Variants in PKIA observed in about 807,000 individuals in gnomAD.
PKIA encodes cAMP-dependent protein kinase inhibitor alpha.
Under a neutral mutation model 7.6 loss-of-function variants are expected in PKIA, and 4 were observed. The ratio of observed to expected loss-of-function variants is 0.52; its 90% CI spans 0.26 to 1.20. The LOEUF is 1.20. Ranked by LOEUF, PKIA falls within the 50% of genes most tolerant of loss-of-function variation. The probability of loss-of-function intolerance (pLI) is 0.13; values close to 1 mark genes in which losing one functional copy is unlikely to be tolerated. For synonymous variants in PKIA, 21 were observed against 30.7 expected (o/e 0.68, Z 1.04); for missense variants, 73 against 86.2 (o/e 0.85, Z 0.61).
intron 2 of PKIA, among the ~76,000 whole-genome samples, chr8:78,588,364 C>T (rs1315000191): frequency 2.0e-5 from 3 of 152,074 alleles, no homozygotes; most frequent in Admixed American, 6.6e-5. Flanking sequence ...CCTGTAATCC[C>T]AGCTACTCAG....
At chr8:78,541,522 G>T (rs1191825399) in intron 1 of PKIA, among the ~76,000 whole-genome samples, 1 of 151,940 alleles carries the variant, frequency 6.6e-6, no homozygotes, top group Admixed American at 6.6e-5. Flanking sequence ...TTAAACTTTT[G>T]ATTATTTCAT....
At chr8:78,529,743 AATTT>A (rs1486868840) in intron 1 of PKIA, among the ~76,000 whole-genome samples, 1 of 151,986 alleles carries the variant, frequency 6.6e-6, no homozygotes, top group African/African-American at 2.4e-5. Flanking sequence ...AATAACATAT[AATTT>A]TTTTTGTAAA....
At chr8:78,537,156 C>G (rs971046558) in intron 1 of PKIA, among the ~76,000 whole-genome samples, 4 of 151,440 alleles carry the variant, frequency 2.6e-5, no homozygotes, top group Admixed American at 2.6e-4. Flanking sequence ...AAAATTTCCC[C>G]AAGTAACAAG....
intron 1 of PKIA, among the ~76,000 whole-genome samples, chr8:78,551,556 A>G (rs1441700785): frequency 1.3e-5 from 2 of 152,080 alleles, no homozygotes; most frequent in Non-Finnish European, 2.9e-5. Context: ...TTAACTTTAC[A>G]TATTAGATGA....
chr8:78,587,124 T>C (rs1489197761), intron 2 of PKIA, among the ~76,000 whole-genome samples: 1 of 152,208 alleles, frequency 6.6e-6, no homozygotes, highest in Non-Finnish European at 1.5e-5. Flanking sequence ...ATGAGTTATT[T>C]TGATAACTGT....
At chr8:78,599,039 G>A (rs781497770) in intron 3 of PKIA, among the ~76,000 whole-genome samples, 29 of 151,986 alleles carry the variant, frequency 1.9e-4, no homozygotes, top group Non-Finnish European at 4.3e-4. Flanking sequence ...GTAACTCTTA[G>A]GTAAAAGGGT....
chr8:78,545,152 G>C (rs78653781), intron 1 of PKIA, among the ~76,000 whole-genome samples: 8,120 of 152,028 alleles, frequency 0.053, 650 homozygotes, highest in African/African-American at 0.17. Flanking sequence ...CCTATAATAG[G>C]GTGCTCAAAA....
At chr8:78,593,560 C>T (rs1181684113) in intron 2 of PKIA, among the ~76,000 whole-genome samples, 1 of 152,160 alleles carries the variant, frequency 6.6e-6, no homozygotes, top group East Asian at 1.9e-4. Context: ...ATGTTCAGTT[C>T]TAAACCTTTG....
chr8:78,587,807 T>A (rs1242919031), intron 2 of PKIA, among the ~76,000 whole-genome samples: 1 of 152,212 alleles, frequency 6.6e-6, no homozygotes, highest in African/African-American at 2.4e-5. Context: ...ATCATAACTG[T>A]GTTTATCTTC....
intron 2 of PKIA, among the ~76,000 whole-genome samples, chr8:78,597,163 G>A (rs1473756850): frequency 6.6e-6 from 1 of 151,718 alleles, no homozygotes; most frequent in Non-Finnish European, 1.5e-5. Flanking sequence ...TGGCCATTTG[G>A]ACTCTTTTTT....
intron 2 of PKIA, among the ~76,000 whole-genome samples, chr8:78,591,526 AAAAG>A (rs1808093754): frequency 6.6e-6 from 1 of 152,162 alleles, no homozygotes; most frequent in South Asian, 2.1e-4. Context: ...CTGTATTAAG[AAAAG>A]AGAGAGCAAG....
At chr8:78,534,859 C>G (rs897819904) in intron 1 of PKIA, 1 of 152,072 alleles carries the variant, frequency 6.6e-6, no homozygotes, top group Non-Finnish European at 1.5e-5. Flanking sequence ...ATTCTTGAGA[C>G]GTAATAATAG....
chr8:78,571,198 G>A (rs1262178713), intron 1 of PKIA, among the ~76,000 whole-genome samples: 1 of 150,964 alleles, frequency 6.6e-6, no homozygotes, highest in South Asian at 2.1e-4. Context: ...TTTTCCAGGA[G>A]ATTAGACACT....
At chr8:78,572,613 G>T (rs541897419) in intron 1 of PKIA, among the ~76,000 whole-genome samples, 198 bp from the exon 2 acceptor site, 1 of 151,340 alleles carries the variant, frequency 6.6e-6, no homozygotes, top group Non-Finnish European at 1.5e-5. Context: ...TTTGAAGACT[G>T]CTTGACTTGA....
At chr8:78,573,325 G>A (rs892186920) in intron 2 of PKIA, among the ~76,000 whole-genome samples, 6 of 151,980 alleles carry the variant, frequency 3.9e-5, no homozygotes, top group Non-Finnish European at 7.4e-5. Context: ...ATGGCATTTA[G>A]TTCTTTAAGA....
In PKIA at chr8:78,603,043, C is replaced by T. The variant is rs765469326; in HGVS notation, c.*1222C>T. ...AATTAGTGTGAATTGCATTCTGATA[C>T]AATAATGATTATCATTAGAAGCTAA... On this transcript the variant is annotated 3_prime_UTR_variant, in exon 4 of 4. Coordinates refer to ENST00000396418, the MANE Select transcript of PKIA (RefSeq NM_006823.4). 6.6e-6 allele frequency: 1 copy of T among 152,276 alleles called. No individual in the cohort carries two copies. Among genetic ancestry groups the T allele is most frequent in the Non-Finnish European group, 1.5e-5 (1 of 67,920 alleles). 9.4% of individuals were successfully genotyped at this position (152,276 alleles called of 1,614,324 possible).
intron 2 of PKIA, among the ~76,000 whole-genome samples, chr8:78,578,144 C>A (rs180769222): frequency 6.6e-6 from 1 of 151,860 alleles, no homozygotes; most frequent in Non-Finnish European, 1.5e-5. Context: ...AATCAGAAAA[C>A]CTGAGTCTTA....
chr8:78,546,679 T>G (rs1474979322), intron 1 of PKIA, among the ~76,000 whole-genome samples: 1 of 152,196 alleles, frequency 6.6e-6, no homozygotes, highest in African/African-American at 2.4e-5. Context: ...CACCTGATTG[T>G]TTTTCATTCA....
intron 1 of PKIA, among the ~76,000 whole-genome samples, chr8:78,525,736 T>C (rs1809529103): frequency 6.6e-6 from 1 of 152,080 alleles, no homozygotes; most frequent in Non-Finnish European, 1.5e-5. Flanking sequence ...ATCAAAAAGC[T>C]CTAACCATTA....
Sources: allele counts gnomAD v4.1 joint callset (sites outside exome capture counted in the v4.1 genomes callset), GRCh38; gene constraint gnomAD v4.1.1; transcripts MANE v1.5; gene names NCBI Gene and HGNC (gene_info 2026-07-23, HGNC 2026-07-21).